CSMD1: variants seen among roughly 807,000 people sequenced by gnomAD.
CSMD1 encodes the protein CUB and Sushi multiple domains 1.
In CSMD1, 213 loss-of-function variants were observed where a neutral mutation model predicts 417.5. That is an observed-to-expected ratio of 0.51 (90% CI 0.46 to 0.57). CSMD1 has a LOEUF of 0.57. Ranked by LOEUF, CSMD1 falls within the 20% of genes least tolerant of loss-of-function variation. The probability of loss-of-function intolerance (pLI) is 0.00; values close to 1 mark genes in which losing one functional copy is unlikely to be tolerated. For synonymous variants in CSMD1, 2,862 were observed against 1,736.8 expected, an observed-to-expected ratio of 1.65 and a Z score of -16.11; for missense variants, 6,923 against 4,529.7, an observed-to-expected ratio of 1.53 and a Z score of -15.17.
At chr8:4,475,397 G>GA (rs1563214806) in intron 2 of CSMD1, among the ~76,000 whole-genome samples, 1 of 152,088 alleles carries the variant, frequency 6.6e-6, no homozygotes, top group Non-Finnish European at 1.5e-5. Context: ...TTATGATCCT[G>GA]AAAACTTGTT....
chr8:4,145,268 A>C (rs941993128), intron 3 of CSMD1, among the ~76,000 whole-genome samples: 6 of 151,118 alleles, frequency 4.0e-5, no homozygotes, highest in East Asian at 3.9e-4. Context: ...TGGAACTTGT[A>C]GAGTTAGACT....
chr8:2,988,521 G>A (rs778729852), intron 54 of CSMD1, among the ~76,000 whole-genome samples: 3 of 152,268 alleles, frequency 2.0e-5, no homozygotes, highest in Admixed American at 1.3e-4. Context: ...GTTTAGAATA[G>A]GGGACAAAGT....
intron 1 of CSMD1, among the ~76,000 whole-genome samples, chr8:4,967,279 G>C (rs959992280): frequency 6.6e-6 from 1 of 152,122 alleles, no homozygotes; most frequent in Non-Finnish European, 1.5e-5. Flanking sequence ...TTATTCTCTT[G>C]TCTGTAGCCA....
At chr8:3,796,739 T>A (rs62479735) in intron 5 of CSMD1, among the ~76,000 whole-genome samples, 1 of 150,814 alleles carries the variant, frequency 6.6e-6, no homozygotes, top group Non-Finnish European at 1.5e-5. Flanking sequence ...CACCTTGTTA[T>A]AGGTGGTTGC....
At chr8:3,991,039 C>T (rs1814704608) in intron 5 of CSMD1, among the ~76,000 whole-genome samples, 1 of 152,206 alleles carries the variant, frequency 6.6e-6, no homozygotes, top group African/African-American at 2.4e-5. Context: ...TGCTTCACTC[C>T]ACTTGTGGGG....
intron 2 of CSMD1, among the ~76,000 whole-genome samples, chr8:4,438,182 CAT>C (rs1264146537): frequency 6.6e-5 from 10 of 152,246 alleles, no homozygotes; most frequent in South Asian, 2.1e-4. Flanking sequence ...TTAAAAAACT[CAT>C]AAACATTGAG....
At chr8:3,287,818 G>A (rs1803271513) in intron 25 of CSMD1, among the ~76,000 whole-genome samples, 1 of 151,336 alleles carries the variant, frequency 6.6e-6, no homozygotes, top group Non-Finnish European at 1.5e-5. Flanking sequence ...TGATTGCCCT[G>A]GCCAGAACTT....
chr8:2,983,695 C>T lies in CSMD1; in HGVS notation c.8378-4895G>A, dbSNP rs904302632. On this transcript the variant is annotated intron_variant, in intron 54 of 69. Coordinates refer to ENST00000635120, the MANE Select transcript of CSMD1 (RefSeq NM_033225.6). The stretch of plus-strand genomic sequence containing the variant: ...CCAGTCTTTGGCATCAGCACTCTTT[C>T]CTACAAGCACAATAGTTTTTAAAGA... 3.9e-5 allele frequency among the ~76,000 whole-genome samples: 6 copies of T among 152,166 alleles called. No individual in the cohort carries two copies. The South Asian group carries it at 1.0e-3, about 26-fold the overall frequency.
chr8:4,392,212 A>G (rs1438658694), intron 3 of CSMD1, among the ~76,000 whole-genome samples: 3 of 152,144 alleles, frequency 2.0e-5, no homozygotes, highest in Non-Finnish European at 2.9e-5. Context: ...TACACAGCAG[A>G]TCGTTCTAAC....
intron 10 of CSMD1, among the ~76,000 whole-genome samples, chr8:3,545,032 A>C (rs745346693): frequency 6.6e-6 from 1 of 152,168 alleles, no homozygotes; most frequent in Non-Finnish European, 1.5e-5. Flanking sequence ...GGACAGTATA[A>C]AGTTAATTTC....
chr8:3,963,791 C>A (rs1451174015), intron 5 of CSMD1, among the ~76,000 whole-genome samples: 4 of 152,176 alleles, frequency 2.6e-5, no homozygotes, highest in African/African-American at 9.6e-5. Flanking sequence ...CTAAGTCAGA[C>A]AGAAACTTAA....
chr8:4,402,024 T>C (rs1373236616), intron 3 of CSMD1, among the ~76,000 whole-genome samples: 6 of 152,112 alleles, frequency 3.9e-5, no homozygotes, highest in Non-Finnish European at 7.4e-5. Flanking sequence ...ACTGTTATAA[T>C]TCGTGGTGAC....
chr8:3,027,805 A>G (rs1478520367), intron 51 of CSMD1, among the ~76,000 whole-genome samples: 1 of 152,238 alleles, frequency 6.6e-6, no homozygotes, highest in Non-Finnish European at 1.5e-5. Context: ...AGAAGCTGGA[A>G]GCAGAAACAC....
At chr8:4,781,667 A>G (rs368937916) in intron 1 of CSMD1, among the ~76,000 whole-genome samples, 2 of 152,296 alleles carry the variant, frequency 1.3e-5, no homozygotes, top group Admixed American at 1.3e-4. Context: ...CAACTGTAAA[A>G]TGGTATCGGT....
chr8:3,087,938 A>T (rs1194377956), intron 48 of CSMD1, among the ~76,000 whole-genome samples: 1 of 152,254 alleles, frequency 6.6e-6, no homozygotes, highest in Admixed American at 6.5e-5. Flanking sequence ...GTAGAAATAT[A>T]TAACATTTTC....
intron 3 of CSMD1, among the ~76,000 whole-genome samples, chr8:4,280,399 G>A (rs11984584): frequency 6.6e-6 from 1 of 152,132 alleles, no homozygotes; most frequent in African/African-American, 2.4e-5. Flanking sequence ...CAGTTGTCTA[G>A]AATCTGACAA....
At chr8:3,276,772 A>T (rs1299637903) in intron 26 of CSMD1, among the ~76,000 whole-genome samples, 1 of 152,190 alleles carries the variant, frequency 6.6e-6, no homozygotes, top group Non-Finnish European at 1.5e-5. Flanking sequence ...TCATTATGCA[A>T]AGTCATACTA....
At chr8:4,925,111 T>C (rs1806765477) in intron 1 of CSMD1, among the ~76,000 whole-genome samples, 1 of 151,892 alleles carries the variant, frequency 6.6e-6, no homozygotes, top group Non-Finnish European at 1.5e-5. Context: ...TGAACTAGCA[T>C]TATAAGTCTT....
intron 3 of CSMD1, among the ~76,000 whole-genome samples, chr8:4,139,840 A>T (rs1803674432): frequency 6.6e-6 from 1 of 151,008 alleles, no homozygotes; most frequent in African/African-American, 2.5e-5. Flanking sequence ...GGAGCAGAAG[A>T]ACAAAGTGAT....
Sources: gnomAD v4.1 joint callset for allele counts (sites outside exome capture counted in the v4.1 genomes callset) on GRCh38, gnomAD v4.1.1 for gene constraint, MANE v1.5 for transcripts, NCBI Gene and HGNC (gene_info 2026-07-23, HGNC 2026-07-21) for gene names.